The following USP32 variants were observed in gnomAD, a reference collection of about 807,000 sequenced individuals.
The protein encoded by USP32 is ubiquitin carboxyl-terminal hydrolase 32.
In USP32, 59 loss-of-function variants were observed where a neutral mutation model predicts 204.8. That is an observed-to-expected ratio of 0.29 (90% CI 0.23 to 0.36). USP32 has a LOEUF of 0.36. USP32 is among the 10% of genes least tolerant of loss of function. USP32 has a pLI of 1.00. For missense variants in USP32, 1,160 were observed against 1,946.4 expected (o/e 0.60, Z 7.60); for synonymous variants, 517 against 678.4 (o/e 0.76, Z 3.70).
At chr17:60,190,005 G>A (rs2084337782) in intron 29 of USP32, among the ~76,000 whole-genome samples, 4 of 152,312 alleles carry the variant, frequency 2.6e-5, no homozygotes, top group Middle Eastern at 6.8e-3. Context: ...CCAATGTGGC[G>A]TTGTTAGGAG....
At chr17:60,355,886 G>GT (rs1270956013) in intron 1 of USP32, among the ~76,000 whole-genome samples, 52 of 53,424 alleles carry the variant, frequency 9.7e-4, no homozygotes, top group Non-Finnish European at 1.5e-3. Flanking sequence ...CTGAACCTCT[G>GT]TAAAAAAAAA....
chr17:60,311,244 C>A (rs561282987), intron 2 of USP32, among the ~76,000 whole-genome samples: 2 of 151,768 alleles, frequency 1.3e-5, no homozygotes, highest in Admixed American at 1.3e-4. Context: ...TCACATGTAC[C>A]CCCCAAAAAA....
At chr17:60,217,926 C>T (rs1334617476) in intron 16 of USP32, among the ~76,000 whole-genome samples, 1 of 151,252 alleles carries the variant, frequency 6.6e-6, no homozygotes, top group Non-Finnish European at 1.5e-5. Context: ...TTTGTAGAGA[C>T]AGGATCTTAC....
chr17:60,372,542 A>AT (rs1411983271), intron 1 of USP32, among the ~76,000 whole-genome samples: 1 of 150,468 alleles, frequency 6.6e-6, no homozygotes, highest in Non-Finnish European at 1.5e-5. Context: ...AGCCTTAAAG[A>AT]TAAAAAAAAA....
chr17:60,252,449 A>G lies in USP32; in HGVS notation c.1075-7T>C. On this transcript the variant is annotated splice_polypyrimidine_tract_variant and splice_region_variant and intron_variant, in intron 10 of 33. Transcript: ENST00000300896. ...CCAGAACTATGTGACACACCTAGGGAAAAAAATGGTAAATCAAAGTTTATT... is the reference window on the plus strand; with the variant it reads ...CCAGAACTATGTGACACACCTAGGGGAAAAAATGGTAAATCAAAGTTTATT... 1 of 1,596,916 alleles carries G rather than the reference A, an allele frequency of 6.3e-7. No individual in the cohort carries two copies. The highest frequency in any genetic ancestry group is 8.5e-7 in the Non-Finnish European group (1 of 1,170,672).
chr17:60,213,423 G>T (rs1040589165), intron 18 of USP32, among the ~76,000 whole-genome samples, 158 bp downstream of exon 18: 4 of 150,646 alleles, frequency 2.7e-5, no homozygotes, highest in Admixed American at 2.0e-4. Flanking sequence ...GAGTTCAAAG[G>T]GTTTTCTTTT....
chr17:60,364,340 A>C (rs2089272520), intron 1 of USP32, among the ~76,000 whole-genome samples: 2 of 152,198 alleles, frequency 1.3e-5, no homozygotes, highest in South Asian at 4.1e-4. Flanking sequence ...CACTCAGATC[A>C]CAGCACCTGC....
Position 60,222,519 on chromosome 17 carries a change from A to G in USP32, c.1639T>C (p.Leu547=), listed in dbSNP as rs1381805930. The change falls in exon 15 of 34, where the codon TTA becomes CTA. Residue 547 remains leucine (L), a synonymous_variant. Transcript: ENST00000300896. ...TGAATCAGCTGTGGAGTTCGTTTTA[A>G]TCGTCCTCCTTCTAGTGTTAATGAT... The part of the protein sequence containing the change: ...ATSLTLEGGR[L]KRTPQLIHGR... The G allele has an allele frequency of 6.2e-7, 1 of 1,614,080 alleles. No homozygotes were observed. Among genetic ancestry groups the G allele is most frequent in the South Asian group, 1.1e-5 (1 of 91,080 alleles).
rs1385264549 is a variant in USP32 at position 60,401,717 on chromosome 17, T to TA, written c.106+20528dup. Among the ~76,000 whole-genome samples the TA allele has an allele frequency of 2.3e-3, 312 of 135,294 alleles. 1 individual carries two copies. The highest frequency in any genetic ancestry group is 3.9e-3 in the Non-Finnish European group (241 of 62,580). 88.8% of individuals were successfully genotyped at this position (135,294 alleles called of 152,430 possible). On this transcript the variant is annotated intron_variant, in intron 1 of 3. Transcript: ENST00000588898. Reference sequence around the variant, plus strand: ...CCAACATGGTGAAACCCCATCTCTATAAAAAAAAGAAAAAAAAAAAAAGAA... The same window carrying TA: ...CCAACATGGTGAAACCCCATCTCTATAAAAAAAAAGAAAAAAAAAAAAAGAA...
chr17:60,226,547 C>T (rs545074618), intron 12 of USP32, among the ~76,000 whole-genome samples: 3 of 151,748 alleles, frequency 2.0e-5, no homozygotes, highest in Non-Finnish European at 2.9e-5. Context: ...TTCTTTTCTT[C>T]CTTATTTCCC....
chr17:60,198,767 T>C (rs1298910294), intron 26 of USP32, among the ~76,000 whole-genome samples: 1 of 152,242 alleles, frequency 6.6e-6, no homozygotes, highest in Non-Finnish European at 1.5e-5. Context: ...AAACTAGTAA[T>C]AGCTTCATAG....
chr17:60,284,510 A>G (rs1598193623), intron 5 of USP32, among the ~76,000 whole-genome samples: 4 of 151,976 alleles, frequency 2.6e-5, no homozygotes, highest in East Asian at 1.9e-4. Context: ...ATGAGCCACC[A>G]CGCCCAGCCT....
chr17:60,386,971 A>G (rs182982971), intron 1 of USP32, among the ~76,000 whole-genome samples: 1 of 152,364 alleles, frequency 6.6e-6, no homozygotes, highest in East Asian at 1.9e-4. Context: ...CTTTACAAAT[A>G]GTAAGATCTG....
chr17:60,250,489 C>T (rs192765549), intron 11 of USP32, among the ~76,000 whole-genome samples: 10 of 152,160 alleles, frequency 6.6e-5, no homozygotes, highest in Admixed American at 6.5e-4. Flanking sequence ...ACTATAGCCA[C>T]ATAAAAGCCT....
intron 15 of USP32, 36 bp downstream of exon 15, chr17:60,222,373 C>A (rs1436455902): frequency 1.9e-6 from 3 of 1,596,254 alleles, no homozygotes; most frequent in Non-Finnish European, 2.6e-6. Flanking sequence ...CCATCTATGA[C>A]TGCTCCTTAT....
In USP32 at chr17:60,366,014, G is replaced by A. The variant is rs146035705; in HGVS notation, c.59-20406C>T. 4.7e-3 allele frequency among the ~76,000 whole-genome samples: 708 copies of A among 152,216 alleles called. 10 individuals are homozygous for A. The highest frequency in any genetic ancestry group is 0.015 in the African/African-American group (624 of 41,522). The stretch of plus-strand genomic sequence containing the variant: ...TTTTTTGAGACGGAGTTTCGCTCTT[G>A]TTGCCCAGGCTGGAGTGCAATGGCG... On this transcript the variant is annotated intron_variant, in intron 1 of 33. Transcript: ENST00000300896.
At chr17:60,357,624 T>C (rs1179643830) in intron 1 of USP32, among the ~76,000 whole-genome samples, 1 of 152,188 alleles carries the variant, frequency 6.6e-6, no homozygotes, top group Non-Finnish European at 1.5e-5. Flanking sequence ...AGGACAAAAA[T>C]GTCCTAAGGG....
chr17:60,294,410 A>G (rs972567427), intron 4 of USP32, among the ~76,000 whole-genome samples: 13 of 111,504 alleles, frequency 1.2e-4, no homozygotes, highest in African/African-American at 7.0e-4. Flanking sequence ...GTGTGTGTGT[A>G]TTACTGTGTT....
intron 2 of USP32, among the ~76,000 whole-genome samples, chr17:60,305,809 G>A (rs1004259435): frequency 6.6e-6 from 1 of 152,162 alleles, no homozygotes; most frequent in Non-Finnish European, 1.5e-5. Flanking sequence ...AGTAAGGTAT[G>A]ACTTTCAGTT....
Sources: allele counts gnomAD v4.1 joint callset (sites outside exome capture counted in the v4.1 genomes callset), GRCh38; gene constraint gnomAD v4.1.1; transcripts MANE v1.5; gene names NCBI Gene and HGNC (gene_info 2026-07-23, HGNC 2026-07-21).